RRP15: variants seen among roughly 807,000 people sequenced by gnomAD.
The protein encoded by RRP15 is ribosomal RNA processing 15 homolog.
RRP15 carries 18 observed loss-of-function variants against 27.1 expected under a neutral mutation model. The observed-to-expected ratio is 0.66, with a 90% CI of 0.46 to 0.98. The LOEUF (loss-of-function observed/expected upper bound fraction) is 0.98, where lower values mean the gene tolerates loss of function less well. Among genes scored for constraint, RRP15 ranks in the 50% least tolerant of loss-of-function variants. The probability of loss-of-function intolerance (pLI) is 0.00; values close to 1 mark genes in which losing one functional copy is unlikely to be tolerated. For synonymous variants in RRP15, 107 were observed against 109.4 expected (o/e 0.98, Z 0.14); for missense variants, 359 against 337.8 (o/e 1.06, Z -0.49).
chr1:218,320,344 AATG>A (rs1656167730), intron 4 of RRP15, among the ~76,000 whole-genome samples: 1 of 151,918 alleles, frequency 6.6e-6, no homozygotes, highest in African/African-American at 2.4e-5. Context: ...GTTTACTGAG[AATG>A]ATGATTTCCA....
At chr1:218,317,288 A>C (rs1185685356) in intron 4 of RRP15, among the ~76,000 whole-genome samples, 1 of 152,230 alleles carries the variant, frequency 6.6e-6, no homozygotes, top group Non-Finnish European at 1.5e-5. Context: ...GCTGTGGCAG[A>C]TGTTTTTACG....
chr1:218,319,873 T>C (rs1656158978), intron 4 of RRP15, among the ~76,000 whole-genome samples: 1 of 152,158 alleles, frequency 6.6e-6, no homozygotes, highest in African/African-American at 2.4e-5. Context: ...ATATGCTATA[T>C]AATATAGCAG....
Position 218,335,880 on chromosome 1 carries a change from G to A in RRP15, c.*4789G>A, listed in dbSNP as rs889354692. On this transcript the variant is annotated 3_prime_UTR_variant, in exon 5 of 5. Transcript: ENST00000366932. ...TGTTTCTTTATAATTAACTTGTATT[G>A]TAGGGTAACCATTGTCCTTAAATGT... The A allele has an allele frequency of 2.6e-5, 4 of 151,980 alleles. No individual in the cohort carries two copies. In the South Asian group the frequency reaches 6.2e-4, roughly 24 times the overall value. 9.4% of individuals were successfully genotyped at this position (151,980 alleles called of 1,614,324 possible). A position where few individuals can be genotyped will look rare whatever the true frequency, so the allele number is the denominator to read the frequency against.
chr1:218,297,418 T>G (rs921839869), intron 1 of RRP15, among the ~76,000 whole-genome samples: 1 of 152,190 alleles, frequency 6.6e-6, no homozygotes, highest in Admixed American at 6.5e-5. Flanking sequence ...TAATCAGCAT[T>G]TAAGTGGTGC....
chr1:218,298,164 G>A (rs144649695), intron 1 of RRP15, among the ~76,000 whole-genome samples: 5 of 152,246 alleles, frequency 3.3e-5, no homozygotes, highest in Middle Eastern at 3.4e-3. Flanking sequence ...TCTAGGTTCA[G>A]TGATCTTGCC....
intron 1 of RRP15, among the ~76,000 whole-genome samples, chr1:218,294,709 AGG>A (rs1177915147): frequency 2.6e-5 from 4 of 151,982 alleles, no homozygotes; most frequent in Non-Finnish European, 4.4e-5. Flanking sequence ...TAAATCATCG[AGG>A]TGACTCATTT....
At chr1:218,321,988 T>G (rs1235868344) in intron 4 of RRP15, among the ~76,000 whole-genome samples, 1 of 152,192 alleles carries the variant, frequency 6.6e-6, no homozygotes, top group Non-Finnish European at 1.5e-5. Context: ...TGTAATTTAC[T>G]CCAAATCTTT....
At position 218,307,438 on chromosome 1, in the gene RRP15, G is replaced by C. The variant is rs1401570262; in HGVS notation, c.511G>C (p.Val171Leu). Reference protein sequence around the residue: ...NLQRIATRGVVQLFNAVQKHQ... With the variant: ...NLQRIATRGVLQLFNAVQKHQ... ...TCATTTTATATTCTACAGGGGTGTG[G>C]TGCAATTATTTAATGCTGTTCAGAA... The change falls in exon 4 of 5, where the codon GTG (valine) becomes CTG (leucine). Residue 171 changes from valine to leucine, a missense_variant. By Grantham distance (32) the Val-to-Leu change is conservative. Coordinates refer to ENST00000366932, the MANE Select transcript of RRP15 (RefSeq NM_016052.4). 1.2e-6 allele frequency: 2 copies of C among 1,613,066 alleles called. No individual in the cohort carries two copies. The highest frequency in any genetic ancestry group is 1.7e-5 in the Admixed American group (1 of 59,994).
intron 1 of RRP15, among the ~76,000 whole-genome samples, chr1:218,298,370 G>T (rs1169464125): frequency 6.6e-6 from 1 of 152,008 alleles, no homozygotes; most frequent in Non-Finnish European, 1.5e-5. Context: ...TTACAATTTG[G>T]CTATGTAATT....
intron 1 of RRP15, among the ~76,000 whole-genome samples, chr1:218,297,554 AC>A (rs1264859625): frequency 3.3e-5 from 5 of 152,180 alleles, no homozygotes; most frequent in Non-Finnish European, 7.3e-5. Context: ...CAGAAAAGCC[AC>A]TTAGATTAGT....
At chr1:218,310,401 C>G (rs148607121) in intron 4 of RRP15, among the ~76,000 whole-genome samples, 32 of 152,308 alleles carry the variant, frequency 2.1e-4, no homozygotes, top group African/African-American at 7.2e-4. Flanking sequence ...ATTTTAATGA[C>G]TTCAATTCTT....
In RRP15 at chr1:218,335,796, A is replaced by G. The variant is rs566824617; in HGVS notation, c.*4705A>G. The G allele has an allele frequency of 6.6e-6, 1 of 152,242 alleles. No individual in the cohort carries two copies. The highest frequency in any genetic ancestry group is 2.4e-5 in the African/African-American group (1 of 41,564). The allele number at this position is 152,242 out of a possible 1,614,324, so 9.4% of individuals were successfully genotyped here. A position where few individuals can be genotyped will look rare whatever the true frequency, so the allele number is the denominator to read the frequency against. ...TTAGGCATATACAAATACTGGTGAA[A>G]TTTTATTGATTGAATTATTGTTGAC... On this transcript the variant is annotated 3_prime_UTR_variant, in exon 5 of 5. Transcript: ENST00000366932.
intron 4 of RRP15, among the ~76,000 whole-genome samples, chr1:218,329,521 C>G (rs959505465): frequency 6.6e-6 from 1 of 152,160 alleles, no homozygotes; most frequent in African/African-American, 2.4e-5. Context: ...TGTTAATATA[C>G]TCCAGTTATC....
rs1340081415 is a variant in RRP15 at position 218,332,904 on chromosome 1, A to G, written c.*1813A>G. ...AAAAAAAGTGCAGCAACTTAAACAC[A>G]TTTTTCTCCCCAGAACTAAGATTAC... is the stretch of plus-strand genomic sequence containing the variant. On this transcript the variant is annotated 3_prime_UTR_variant, in exon 5 of 5. Transcript: ENST00000366932. 2.0e-5 allele frequency: 3 copies of G among 151,578 alleles called. No homozygotes were observed. Among genetic ancestry groups the G allele is most frequent in the Non-Finnish European group, 2.9e-5 (2 of 67,914 alleles). 9.4% of individuals were successfully genotyped at this position (151,578 alleles called of 1,614,324 possible).
rs768751399 is a variant in RRP15 at position 218,285,325 on chromosome 1, C to G, written c.9C>G (p.Ala3=). The change falls in exon 1 of 5, where the codon GCC becomes GCG. Residue 3 remains alanine, a synonymous_variant. Transcript: ENST00000366932. MA[A]AAPDSRVSEE... ...GCTTCCGGCGCAGAAAAATGGCAGC[C>G]GCCGCTCCGGACTCACGTGTGAGTG... is the stretch of plus-strand genomic sequence containing the variant. 1 of 1,613,196 alleles carries G rather than the reference C, an allele frequency of 6.2e-7. No individual in the cohort carries two copies. Among genetic ancestry groups the G allele is most frequent in the Non-Finnish European group, 8.5e-7 (1 of 1,179,752 alleles).
chr1:218,307,072 A>G (rs1655911166), intron 3 of RRP15, among the ~76,000 whole-genome samples: 1 of 152,248 alleles, frequency 6.6e-6, no homozygotes, highest in Non-Finnish European at 1.5e-5. Context: ...CAATGGTTTC[A>G]TAACACAAGA....
rs559063712 is a variant in RRP15 at position 218,334,310 on chromosome 1, T to C, written c.*3219T>C. The C allele has an allele frequency of 2.6e-5, 4 of 152,356 alleles. No individual in the cohort carries two copies. Among genetic ancestry groups the C allele is most frequent in the African/African-American group, 9.6e-5 (4 of 41,588 alleles). 9.4% of individuals were successfully genotyped at this position (152,356 alleles called of 1,614,324 possible). A position where few individuals can be genotyped will look rare whatever the true frequency, so the allele number is the denominator to read the frequency against. ...GAACAGTTCAGAGGGTTACCACTAG[T>C]ACTTAGAGCCTAAAGTCACTCAGTA... On this transcript the variant is annotated 3_prime_UTR_variant, in exon 5 of 5. Transcript: ENST00000366932.
chr1:218,299,737 T>C (rs927760406), intron 1 of RRP15, among the ~76,000 whole-genome samples: 5 of 152,192 alleles, frequency 3.3e-5, no homozygotes, highest in African/African-American at 1.2e-4. Flanking sequence ...GCACTTTTTC[T>C]AAGAATTGTT....
Position 218,303,012 on chromosome 1 carries a change from G to A in RRP15, c.405+453G>A, listed in dbSNP as rs988426170. On this transcript the variant is annotated intron_variant, in intron 2 of 4. Coordinates refer to ENST00000366932, the MANE Select transcript of RRP15 (RefSeq NM_016052.4). Reference sequence around the variant, plus strand: ...AGTTCTGAAAACGGATTATTTCAGTGTTAGATACAAATCAGTGTTGGATAA... The same window carrying A: ...AGTTCTGAAAACGGATTATTTCAGTATTAGATACAAATCAGTGTTGGATAA... Among the ~76,000 whole-genome samples the A allele has an allele frequency of 4.4e-4, 67 of 152,084 alleles. 4 individuals carry two copies. Among genetic ancestry groups the A allele is most frequent in the Non-Finnish European group, 1.5e-5 (1 of 68,006 alleles).
Sources: gnomAD v4.1 joint callset for allele counts (sites outside exome capture counted in the v4.1 genomes callset) on GRCh38, gnomAD v4.1.1 for gene constraint, MANE v1.5 for transcripts, NCBI Gene and HGNC (gene_info 2026-07-23, HGNC 2026-07-21) for gene names.